The following GNAQ variants were observed in gnomAD, a reference collection of about 807,000 sequenced individuals.
GNAQ encodes guanine nucleotide-binding protein G(q) subunit alpha.
In GNAQ, 8 loss-of-function variants were observed where a neutral mutation model predicts 43.9. That is an observed-to-expected ratio of 0.18 (90% CI 0.11 to 0.33). The LOEUF (loss-of-function observed/expected upper bound fraction) is 0.33, where lower values mean the gene tolerates loss of function less well. Among genes scored for constraint, GNAQ ranks in the 10% least tolerant of loss-of-function variants. The probability of loss-of-function intolerance (pLI) is 1.00; values close to 1 mark genes in which losing one functional copy is unlikely to be tolerated. For synonymous variants in GNAQ, 155 were observed against 170.7 expected (o/e 0.91, Z 0.71); for missense variants, 158 against 450.8 (o/e 0.35, Z 5.88).
At chr9:77,978,886 T>C (rs776329631) in intron 1 of GNAQ, among the ~76,000 whole-genome samples, 16 of 151,988 alleles carry the variant, frequency 1.1e-4, no homozygotes, top group Non-Finnish European at 2.2e-4. Flanking sequence ...TAAAACCATG[T>C]CTCTACTAAA....
chr9:77,990,370 C>A (rs1208334879), intron 1 of GNAQ, among the ~76,000 whole-genome samples: 1 of 152,144 alleles, frequency 6.6e-6, no homozygotes, highest in African/African-American at 2.4e-5. Flanking sequence ...AATGAGCATG[C>A]CATTATGGCC....
chr9:77,938,269 G>A (rs1408081593), intron 1 of GNAQ, among the ~76,000 whole-genome samples: 1 of 152,086 alleles, frequency 6.6e-6, no homozygotes, highest in Non-Finnish European at 1.5e-5. Context: ...ACAGCCTATG[G>A]ATTCAGAAGA....
chr9:77,909,634 T>C lies in GNAQ; in HGVS notation c.321+12527A>G, dbSNP rs535316601. Among the ~76,000 whole-genome samples the C allele has an allele frequency of 1.8e-4, 28 of 152,028 alleles. No individual in the cohort carries two copies. The South Asian group carries it at 3.3e-3, about 18-fold the overall frequency. On this transcript the variant is annotated intron_variant, in intron 2 of 6. Transcript: ENST00000286548. ...CGGGGATATCACATTTCTTGATATA[T>C]GCCAGTCCTTTCAGTTACATTTCAG...
chr9:78,027,393 G>A (rs1396730293), intron 1 of GNAQ, among the ~76,000 whole-genome samples: 1 of 152,150 alleles, frequency 6.6e-6, no homozygotes, highest in Non-Finnish European at 1.5e-5. Context: ...GTTAGATACT[G>A]TGCTTGAAGC....
At chr9:77,848,623 C>T (rs191330243) in intron 2 of GNAQ, among the ~76,000 whole-genome samples, 1 of 152,348 alleles carries the variant, frequency 6.6e-6, no homozygotes, top group East Asian at 1.9e-4. Context: ...TCATTGCCTT[C>T]TGAGATGACA....
intron 5 of GNAQ, among the ~76,000 whole-genome samples, chr9:77,766,162 A>T (rs1269123941): frequency 2.0e-5 from 3 of 152,200 alleles, no homozygotes. Flanking sequence ...AATAATGTGA[A>T]TGTTTTTAGT....
intron 3 of GNAQ, among the ~76,000 whole-genome samples, chr9:77,808,427 AAT>A (rs1826862386): frequency 6.6e-6 from 1 of 150,742 alleles, no homozygotes; most frequent in Admixed American, 6.7e-5. Flanking sequence ...AAGAGAATTA[AAT>A]ATGTCACTCA....
At chr9:77,910,008 C>T (rs1273330057) in intron 2 of GNAQ, among the ~76,000 whole-genome samples, 1 of 151,986 alleles carries the variant, frequency 6.6e-6, no homozygotes, top group Non-Finnish European at 1.5e-5. Flanking sequence ...TAACAACATA[C>T]TATTTAAAAA....
intron 2 of GNAQ, among the ~76,000 whole-genome samples, chr9:77,910,765 C>T (rs1314690075): frequency 6.6e-6 from 1 of 152,178 alleles, no homozygotes; most frequent in African/African-American, 2.4e-5. Flanking sequence ...CTTTTCCAGA[C>T]TATGTAATTC....
chr9:77,791,919 T>C (rs1826580429), intron 5 of GNAQ, among the ~76,000 whole-genome samples: 1 of 152,142 alleles, frequency 6.6e-6, no homozygotes, highest in Non-Finnish European at 1.5e-5. Context: ...CAGTTTTGTC[T>C]CACCAAAACC....
At chr9:77,867,465 C>T (rs1827966429) in intron 2 of GNAQ, among the ~76,000 whole-genome samples, 1 of 152,182 alleles carries the variant, frequency 6.6e-6, no homozygotes, top group African/African-American at 2.4e-5. Context: ...AGGACCAGGG[C>T]TGTGCCCTAA....
At chr9:77,832,524 A>G (rs1399734338) in intron 2 of GNAQ, among the ~76,000 whole-genome samples, 2 of 152,202 alleles carry the variant, frequency 1.3e-5, no homozygotes, top group Non-Finnish European at 2.9e-5. Flanking sequence ...CAGCATCCAT[A>G]AAGTTAACAT....
At chr9:77,745,947 A>T (rs1016700868) in intron 5 of GNAQ, among the ~76,000 whole-genome samples, 2 of 152,094 alleles carry the variant, frequency 1.3e-5, no homozygotes, top group Non-Finnish European at 2.9e-5. Context: ...ACCTATACCA[A>T]AAGAGATCCT....
intron 1 of GNAQ, among the ~76,000 whole-genome samples, chr9:77,944,975 C>G (rs957256756): frequency 2.6e-5 from 4 of 152,230 alleles, no homozygotes; most frequent in African/African-American, 9.7e-5. Context: ...CAACCCACCG[C>G]AGAGAATTCA....
intron 2 of GNAQ, among the ~76,000 whole-genome samples, chr9:77,820,087 C>T (rs1329277152): frequency 9.5e-6 from 1 of 104,986 alleles, no homozygotes; most frequent in South Asian, 3.1e-4. Context: ...ATTTAAAATG[C>T]AAAAAAAAAA....
At chr9:77,743,433 G>T (rs1296197557) in intron 5 of GNAQ, among the ~76,000 whole-genome samples, 1 of 152,160 alleles carries the variant, frequency 6.6e-6, no homozygotes, top group Non-Finnish European at 1.5e-5. Flanking sequence ...GAACTTACAA[G>T]TGTCTTGAAG....
intron 1 of GNAQ, among the ~76,000 whole-genome samples, chr9:78,007,767 T>G (rs1823725238): frequency 6.6e-6 from 1 of 152,212 alleles, no homozygotes; most frequent in South Asian, 2.1e-4. Flanking sequence ...CCCACACATC[T>G]GGGAACAGGG....
At position 77,719,231 on chromosome 9, in the gene GNAQ, G is replaced by A. The variant is rs1825272094; in HGVS notation, c.*2092C>T. On this transcript the variant is annotated 3_prime_UTR_variant, in exon 7 of 7. Coordinates refer to ENST00000286548, the MANE Select transcript of GNAQ (RefSeq NM_002072.5). ...TAAATAAAATAACATTATTCAAAAC[G>A]TGAATTAGCTATAGACATACAATAC... The A allele has an allele frequency of 4.3e-6, 1 of 231,190 alleles. No individual in the cohort carries two copies. The highest frequency in any genetic ancestry group is 8.5e-6 in the Non-Finnish European group (1 of 117,182). The allele number at this position is 231,190 out of a possible 1,614,324, so 14.3% of individuals were successfully genotyped here. A position where few individuals can be genotyped will look rare whatever the true frequency, so the allele number is the denominator to read the frequency against.
chr9:77,866,295 T>A (rs1179296062), intron 2 of GNAQ, among the ~76,000 whole-genome samples: 1 of 152,110 alleles, frequency 6.6e-6, no homozygotes, highest in Non-Finnish European at 1.5e-5. Flanking sequence ...CTGGCCAACA[T>A]GGTGAAGCCC....
Sources: allele counts gnomAD v4.1 joint callset (sites outside exome capture counted in the v4.1 genomes callset), GRCh38; gene constraint gnomAD v4.1.1; transcripts MANE v1.5; gene names NCBI Gene and HGNC (gene_info 2026-07-23, HGNC 2026-07-21).